Variants in GTF2IRD2 observed in about 807,000 individuals in gnomAD.
GTF2IRD2 encodes the protein general transcription factor II-I repeat domain-containing protein 2A.
GTF2IRD2 carries 8 observed loss-of-function variants against 49.2 expected under a neutral mutation model. That is an observed-to-expected ratio of 0.16 (90% CI 0.10 to 0.29). The LOEUF (loss-of-function observed/expected upper bound fraction) is 0.29, where lower values mean the gene tolerates loss of function less well. Ranked by LOEUF, GTF2IRD2 falls within the 10% of genes least tolerant of loss-of-function variation. The pLI, the probability that GTF2IRD2 is intolerant of heterozygous loss-of-function variation, is 1.00. For synonymous variants in GTF2IRD2, 47 were observed against 289.7 expected (o/e 0.16, Z 8.51); for missense variants, 130 against 725.7 (o/e 0.18, Z 9.43).
intron 6 of GTF2IRD2, 154 bp downstream of exon 6, chr7:74,822,273 T>C: frequency 8.1e-7 from 1 of 1,232,416 alleles, no homozygotes; most frequent in South Asian, 1.2e-5. Flanking sequence ...ATGGTCGCGA[T>C]CTCCTGACCT....
rs1797178061 is a variant in GTF2IRD2, at chr7:74,798,302, TTTCTC to T, written c.1247-42_1247-38del. The T allele has an allele frequency of 5.9e-6, 4 of 676,424 alleles. No individual in the cohort carries two copies. The South Asian group carries it at 6.2e-5, about 11-fold the overall frequency. 41.9% of individuals were successfully genotyped at this position (676,424 alleles called of 1,614,324 possible). Reference sequence around the variant, plus strand: ...GACAGGGAGACAAAGATATTTCACTTTTCTCTTATCACTACTATGAGGAAAACAAC... The same window carrying T: ...GACAGGGAGACAAAGATATTTCACTTTTATCACTACTATGAGGAAAACAAC... On this transcript the variant is annotated intron_variant, in intron 15 of 15. Coordinates refer to ENST00000451013, the MANE Select transcript of GTF2IRD2 (RefSeq NM_173537.5).
intron 6 of GTF2IRD2, chr7:74,820,289 T>TCA: frequency 3.5e-6 from 1 of 282,420 alleles, no homozygotes; most frequent in Non-Finnish European, 6.3e-6. Context: ...CCAGCTGGGC[T>TCA]GCCTCCAGCA....
chr7:74,829,720 CAAA>C (rs1156848156), intron 3 of GTF2IRD2, among the ~76,000 whole-genome samples: 14 of 88,276 alleles, frequency 1.6e-4, no homozygotes, highest in African/African-American at 5.2e-4. Context: ...TCTCAAAATA[CAAA>C]AAAAAAAAAA....
Position 74,796,580 on chromosome 7 carries a change from C to T in GTF2IRD2, c.*82G>A. 4.1e-6 allele frequency: 3 copies of T among 739,828 alleles called. No individual in the cohort carries two copies. In the South Asian group the frequency reaches 4.4e-5, roughly 11 times the overall value. 45.8% of individuals were successfully genotyped at this position (739,828 alleles called of 1,614,324 possible). On this transcript the variant is annotated 3_prime_UTR_variant, in exon 16 of 16. Coordinates refer to ENST00000451013, the MANE Select transcript of GTF2IRD2 (RefSeq NM_173537.5). ...CCATCTCAAAAAAGAAAAAAAAATT[C>T]ATTTTGTCATCTCCCAATCCCTTGG...
intron 12 of GTF2IRD2, among the ~76,000 whole-genome samples, chr7:74,806,052 G>A (rs1167205630): frequency 2.3e-5 from 3 of 130,278 alleles, no homozygotes; most frequent in South Asian, 2.9e-4. Flanking sequence ...ATGCCACCAT[G>A]CCTGGTCCTT....
intron 1 of GTF2IRD2, among the ~76,000 whole-genome samples, chr7:74,841,960 C>T (rs1312500682): frequency 1.5e-5 from 2 of 136,014 alleles, no homozygotes; most frequent in Non-Finnish European, 3.1e-5. Context: ...TTTGTCTCTA[C>T]TAAAAATACA....
intron 15 of GTF2IRD2, chr7:74,799,005 C>G (rs1199552156): frequency 1.4e-5 from 2 of 143,136 alleles, no homozygotes; most frequent in Non-Finnish European, 3.1e-5. Flanking sequence ...TTCTTTTTTT[C>G]TTTTTCTTTT....
chr7:74,844,895 G>A (rs1801135172), intron 1 of GTF2IRD2, among the ~76,000 whole-genome samples: 1 of 94,720 alleles, frequency 1.1e-5, no homozygotes, highest in Non-Finnish European at 2.4e-5. Context: ...GTTTCACCAT[G>A]TTGCCCAGGC....
At chr7:74,815,840 AAGAAAG>A in intron 8 of GTF2IRD2, among the ~76,000 whole-genome samples, 1 of 108,422 alleles carries the variant, frequency 9.2e-6, no homozygotes, top group Non-Finnish European at 2.0e-5. Flanking sequence ...GAAAGAAAGA[AAGAAAG>A]AAAGAAAGAA....
intron 14 of GTF2IRD2, among the ~76,000 whole-genome samples, chr7:74,803,078 TAAA>T (rs1305391917): frequency 2.6e-5 from 4 of 151,930 alleles, no homozygotes; most frequent in African/African-American, 9.7e-5. Flanking sequence ...CTGTGTGAGC[TAAA>T]ACTGGGACGG....
chr7:74,818,842 T>G (rs1376043724), intron 8 of GTF2IRD2: 1 of 151,530 alleles, frequency 6.6e-6, no homozygotes, highest in Non-Finnish European at 1.5e-5. Flanking sequence ...ATTTATTTAT[T>G]TATTTGATAA....
intron 1 of GTF2IRD2, among the ~76,000 whole-genome samples, chr7:74,841,167 T>C (rs1800794614): frequency 7.1e-6 from 1 of 141,356 alleles, no homozygotes; most frequent in Non-Finnish European, 1.5e-5. Context: ...TATATATATA[T>C]GTATTGGTTT....
chr7:74,842,301 T>C (rs2131816640), intron 1 of GTF2IRD2, among the ~76,000 whole-genome samples: 1 of 133,350 alleles, frequency 7.5e-6, no homozygotes, highest in African/African-American at 3.1e-5. Flanking sequence ...ACAATCACAG[T>C]TCACTGCAAC....
chr7:74,850,662 A>ACTAATT (rs2131840008), intron 1 of GTF2IRD2, among the ~76,000 whole-genome samples: 1 of 52,176 alleles, frequency 1.9e-5, no homozygotes, highest in South Asian at 8.5e-4. Flanking sequence ...CAAAGGTTGC[A>ACTAATT]CAGCTCTGTG....
At chr7:74,831,316 A>G (rs1799826671) in intron 3 of GTF2IRD2, among the ~76,000 whole-genome samples, 1 of 150,746 alleles carries the variant, frequency 6.6e-6, no homozygotes, top group African/African-American at 2.4e-5. Flanking sequence ...ATATATATAT[A>G]TAATTCCTCT....
At chr7:74,807,387 C>T (rs1466790289) in intron 11 of GTF2IRD2, among the ~76,000 whole-genome samples, 1 of 74,818 alleles carries the variant, frequency 1.3e-5, no homozygotes, top group East Asian at 8.8e-4. Context: ...AAGTGATTCT[C>T]GTGCCTCAGC....
At chr7:74,842,530 C>T (rs1800934058) in intron 1 of GTF2IRD2, among the ~76,000 whole-genome samples, 1 of 142,860 alleles carries the variant, frequency 7.0e-6, no homozygotes, top group East Asian at 2.0e-4. Flanking sequence ...TATGCCCACC[C>T]CTATTTTTTA....
rs1242955875 is a variant in GTF2IRD2, at chr7:74,796,330, C to G, written c.*332G>C. 2.6e-5 allele frequency: 9 copies of G among 352,394 alleles called. No homozygotes were observed. The highest frequency in any genetic ancestry group is 5.0e-5 in the Non-Finnish European group (9 of 180,612). The allele number at this position is 352,394 out of a possible 1,614,324, so 21.8% of individuals were successfully genotyped here. A position where few individuals can be genotyped will look rare whatever the true frequency, so the allele number is the denominator to read the frequency against. On this transcript the variant is annotated 3_prime_UTR_variant, in exon 16 of 16. Transcript: ENST00000451013. ...CTGTAATCCCAGCACTTTGTGAGGTCGAGGCAGGTGGATCACCTGAGGTCA... is the reference window on the plus strand; with the variant it reads ...CTGTAATCCCAGCACTTTGTGAGGTGGAGGCAGGTGGATCACCTGAGGTCA...
chr7:74,815,797 GGAAA>G (rs1189790776), intron 8 of GTF2IRD2, among the ~76,000 whole-genome samples: 19,183 of 45,418 alleles, frequency 0.42, 2,126 homozygotes, highest in East Asian at 0.45. Context: ...AAAGAAAGAA[GGAAA>G]GAAAGAAAGA....
Sources: gnomAD v4.1 joint callset for allele counts (sites outside exome capture counted in the v4.1 genomes callset) on GRCh38, gnomAD v4.1.1 for gene constraint, MANE v1.5 for transcripts, NCBI Gene and HGNC (gene_info 2026-07-23, HGNC 2026-07-21) for gene names.